Variants in SLIT3 observed in about 807,000 individuals in gnomAD.
SLIT3 encodes slit guidance ligand 3.
Under a neutral mutation model 184.0 loss-of-function variants are expected in SLIT3, and 68 were observed. The observed-to-expected ratio is 0.37, with a 90% CI of 0.30 to 0.45. The LOEUF is 0.45. Ranked by LOEUF, SLIT3 falls within the 20% of genes least tolerant of loss-of-function variation. The pLI is 1.00. For missense variants in SLIT3, 1,707 were observed against 2,026.0 expected (o/e 0.84, Z 3.02); for synonymous variants, 831 against 828.6 (o/e 1.00, Z -0.05).
intron 4 of SLIT3, among the ~76,000 whole-genome samples, chr5:168,985,870 A>G (rs1755110969): frequency 6.6e-6 from 1 of 152,110 alleles, no homozygotes; most frequent in African/African-American, 2.4e-5. Context: ...ACAGAGACAG[A>G]GTATGGTGGT....
intron 1 of SLIT3, among the ~76,000 whole-genome samples, chr5:169,281,337 G>T (rs1484547933): frequency 6.6e-6 from 1 of 152,114 alleles, no homozygotes; most frequent in Non-Finnish European, 1.5e-5. Context: ...TTAGCTGGGC[G>T]TGGTGACGGG....
chr5:169,056,328 A>G (rs1301477653), intron 4 of SLIT3, among the ~76,000 whole-genome samples: 1 of 152,190 alleles, frequency 6.6e-6, no homozygotes, highest in African/African-American at 2.4e-5. Flanking sequence ...GAAAAATTGT[A>G]GAGTCCAAAA....
chr5:168,935,104 C>T lies in SLIT3; in HGVS notation c.414-51768G>A, dbSNP rs1475239656. ...AGGGAGCCGACATCGCACCACTGCACTCCAGCCTGGGTGACAGAGCAAGAC... is the reference window on the plus strand; with the variant it reads ...AGGGAGCCGACATCGCACCACTGCATTCCAGCCTGGGTGACAGAGCAAGAC... On this transcript the variant is annotated intron_variant, in intron 4 of 35. Transcript: ENST00000519560. 2.0e-5 allele frequency among the ~76,000 whole-genome samples: 3 copies of T among 147,364 alleles called. No individual in the cohort carries two copies. In the East Asian group the frequency reaches 5.9e-4, roughly 29 times the overall value.
At position 168,817,579 on chromosome 5, in the gene SLIT3, T is replaced by C. The variant is rs1357866757; in HGVS notation, c.630-116A>G. The C allele has an allele frequency of 6.1e-6, 6 of 983,590 alleles. No homozygotes were observed. The East Asian group carries it at 1.6e-4, about 25-fold the overall frequency. 60.9% of individuals were successfully genotyped at this position (983,590 alleles called of 1,614,324 possible). On this transcript the variant is annotated intron_variant, in intron 7 of 35. Coordinates refer to ENST00000519560, the MANE Select transcript of SLIT3 (RefSeq NM_003062.4). ...CCCCTTTCTCCAGTGTGAAAATCCC[T>C]AGGAGCCCAGGGAAGCAATTCCCTC... is the stretch of plus-strand genomic sequence containing the variant.
In SLIT3 at chr5:168,671,400, C is replaced by T. The variant is rs1582511326; in HGVS notation, c.3925G>A (p.Val1309Met). Residue 1309 changes from valine (V) to methionine (M), a missense_variant, in exon 34 of 36, where the codon GTG becomes ATG. Val to Met is a conservative substitution (Grantham distance 21). Coordinates refer to ENST00000519560, the MANE Select transcript of SLIT3 (RefSeq NM_003062.4). ...TCCTGCAGCTCGTTGTTGATGCGCA[C>T]CTCATGGATGCATCCGTGGAAGCCG... is the stretch of plus-strand genomic sequence containing the variant. ...LGGFHGCIHE[V>M]RINNELQDFK... The T allele has an allele frequency of 1.9e-6, 3 of 1,614,122 alleles. No individual in the cohort carries two copies. Among genetic ancestry groups the T allele is most frequent in the East Asian group, 4.5e-5 (2 of 44,862 alleles).
intron 10 of SLIT3, among the ~76,000 whole-genome samples, chr5:168,794,580 T>C (rs952809531): frequency 2.0e-5 from 3 of 152,164 alleles, no homozygotes; most frequent in Admixed American, 2.0e-4. Flanking sequence ...TGTAATGCAG[T>C]GGTGGAGTGG....
rs183311999 is a variant in SLIT3 at position 168,871,508 on chromosome 5, A to G, written c.485+11757T>C. Among the ~76,000 whole-genome samples, 799 of 151,736 alleles carry G rather than the reference A, an allele frequency of 5.3e-3. 7 individuals are homozygous for G. Among genetic ancestry groups the G allele is most frequent in the African/African-American group, 0.018 (755 of 41,042 alleles). On this transcript the variant is annotated intron_variant, in intron 5 of 35. Coordinates refer to ENST00000519560, the MANE Select transcript of SLIT3 (RefSeq NM_003062.4). ...GTTACACCCTCTTTTTCTCTGGCCT[A>G]CTTTATACCTAGCCCATTAGAAGCC... is the stretch of plus-strand genomic sequence containing the variant.
intron 4 of SLIT3, among the ~76,000 whole-genome samples, chr5:168,951,372 A>G (rs1489743067): frequency 6.6e-6 from 1 of 152,238 alleles, no homozygotes; most frequent in East Asian, 1.9e-4. Context: ...AGGAGATAAC[A>G]GTCACAAGGA....
intron 4 of SLIT3, among the ~76,000 whole-genome samples, chr5:169,105,649 G>T (rs1032243755): frequency 6.6e-6 from 1 of 152,206 alleles, no homozygotes; most frequent in East Asian, 1.9e-4. Context: ...CAAGTAGAAA[G>T]ATCAAGATTC....
chr5:169,104,680 T>C (rs922718501), intron 4 of SLIT3, among the ~76,000 whole-genome samples: 17 of 152,260 alleles, frequency 1.1e-4, no homozygotes, highest in African/African-American at 4.1e-4. Flanking sequence ...TTTCTCGTAT[T>C]TTGGAGAGGG....
At chr5:168,864,730 C>T (rs1465609896) in intron 5 of SLIT3, among the ~76,000 whole-genome samples, 1 of 152,156 alleles carries the variant, frequency 6.6e-6, no homozygotes, top group African/African-American at 2.4e-5. Context: ...CGTCTGAAGT[C>T]AAGATAACCA....
intron 4 of SLIT3, among the ~76,000 whole-genome samples, chr5:168,928,486 C>A (rs1246710715): frequency 3.3e-5 from 5 of 152,074 alleles, no homozygotes; most frequent in Non-Finnish European, 7.4e-5. Context: ...AGGTCTGGGG[C>A]CAAGTCCCAG....
chr5:169,036,933 A>G (rs551741514), intron 4 of SLIT3, among the ~76,000 whole-genome samples: 39 of 152,258 alleles, frequency 2.6e-4, no homozygotes, highest in Admixed American at 3.3e-4. Flanking sequence ...ATGCCTAGAC[A>G]CTTTTCTAGG....
intron 4 of SLIT3, among the ~76,000 whole-genome samples, chr5:169,128,672 C>T (rs1431136009): frequency 1.3e-5 from 2 of 152,186 alleles, no homozygotes; most frequent in Admixed American, 6.5e-5. Context: ...TCAAGTGATC[C>T]ACCTGTCTCG....
chr5:168,910,770 GA>G (rs528202018), intron 4 of SLIT3, among the ~76,000 whole-genome samples: 19 of 151,128 alleles, frequency 1.3e-4, no homozygotes, highest in Non-Finnish European at 1.6e-4. Context: ...GAAAAAAGAA[GA>G]AAAAAACATC....
chr5:169,060,463 A>G (rs971461134), intron 4 of SLIT3, among the ~76,000 whole-genome samples: 7 of 152,240 alleles, frequency 4.6e-5, no homozygotes, highest in African/African-American at 1.7e-4. Flanking sequence ...TACCCAGTCT[A>G]TATCAGCCCA....
intron 4 of SLIT3, among the ~76,000 whole-genome samples, chr5:168,976,192 C>T (rs1754751340): frequency 6.6e-6 from 1 of 152,182 alleles, no homozygotes; most frequent in Non-Finnish European, 1.5e-5. Context: ...AACTGAGGCT[C>T]AGAGAGACTA....
intron 4 of SLIT3, among the ~76,000 whole-genome samples, chr5:169,026,962 T>G (rs970134320): frequency 1.3e-5 from 2 of 152,178 alleles, no homozygotes; most frequent in African/African-American, 4.8e-5. Context: ...TGAGGGGATA[T>G]TGTGTGGAAC....
intron 3 of SLIT3, among the ~76,000 whole-genome samples, chr5:169,240,229 A>C (rs917000001): frequency 6.6e-6 from 1 of 151,904 alleles, no homozygotes; most frequent in African/African-American, 2.4e-5. Context: ...TGTTGTTTAG[A>C]GTGTTCTCTA....
Sources: allele counts gnomAD v4.1 joint callset (sites outside exome capture counted in the v4.1 genomes callset), GRCh38; gene constraint gnomAD v4.1.1; transcripts MANE v1.5; gene names NCBI Gene and HGNC (gene_info 2026-07-23, HGNC 2026-07-21).